Variants in SLC12A2 observed in about 807,000 individuals in gnomAD.
The protein encoded by SLC12A2 is Na-K-2Cl cotransporter 1.
SLC12A2 carries 67 observed loss-of-function variants against 136.3 expected under a neutral mutation model. That is an observed-to-expected ratio of 0.49 (90% CI 0.40 to 0.60). SLC12A2 has a LOEUF of 0.60. SLC12A2 is among the 20% of genes least tolerant of loss of function. The pLI is 0.00. For synonymous variants in SLC12A2, 619 were observed against 562.9 expected (o/e 1.10, Z -1.41); for missense variants, 1,322 against 1,534.7 (o/e 0.86, Z 2.32).
At chr5:128,161,047 A>G (rs1021328683) in intron 16 of SLC12A2, among the ~76,000 whole-genome samples, 1 of 152,182 alleles carries the variant, frequency 6.6e-6, no homozygotes, top group African/African-American at 2.4e-5. Flanking sequence ...ACTTATTTAC[A>G]TTTAGGGTGT....
rs71949635 is a variant in SLC12A2 at position 128,188,289 on chromosome 5, C to CTTTTTTTTTT, written c.*1673_*1682dup. On this transcript the variant is annotated 3_prime_UTR_variant, in exon 27 of 27. Transcript: ENST00000262461. ...AAATTTATGCAGGTTTTCACGAATCCTTTTTTTTTTTTTTTTTTTTTTTTG... is the reference window on the plus strand; with the variant it reads ...AAATTTATGCAGGTTTTCACGAATCCTTTTTTTTTTTTTTTTTTTTTTTTTTTTTTTTTTG... The CTTTTTTTTTT allele has an allele frequency of 1.2e-5, 1 of 85,514 alleles. No individual in the cohort carries two copies. The highest frequency in any genetic ancestry group is 2.2e-5 in the Non-Finnish European group (1 of 46,130). The allele number at this position is 85,514 out of a possible 1,614,324, so 5.3% of individuals were successfully genotyped here.
At chr5:128,109,404 C>G (rs545861963) in intron 1 of SLC12A2, 204 of 331,792 alleles carry the variant, frequency 6.1e-4, no homozygotes, top group African/African-American at 4.2e-3. Context: ...CCGGTGTGCC[C>G]CTGCCGAAGC....
chr5:128,102,071 C>T (rs1198251182), intron 1 of SLC12A2, among the ~76,000 whole-genome samples: 1 of 151,908 alleles, frequency 6.6e-6, no homozygotes, highest in Non-Finnish European at 1.5e-5. Context: ...CAGTTTTCAG[C>T]TCACAGTATG....
chr5:128,159,561 A>G (rs1762968681), intron 16 of SLC12A2, among the ~76,000 whole-genome samples: 1 of 152,228 alleles, frequency 6.6e-6, no homozygotes, highest in Admixed American at 6.5e-5. Context: ...TTTACAAGAA[A>G]AAAACCACCC....
In SLC12A2 at chr5:128,188,904, T is replaced by C. The variant is rs1437161368; in HGVS notation, c.*2273T>C. On this transcript the variant is annotated 3_prime_UTR_variant, in exon 27 of 27. Transcript: ENST00000262461. ...GACTGAGTGCTGCTATCTTGAAATG[T>C]GCACAGGTACACTTACCTTTTTTTT... is the stretch of plus-strand genomic sequence containing the variant. The C allele has an allele frequency of 6.6e-6, 1 of 151,530 alleles. No individual in the cohort carries two copies. Among genetic ancestry groups the C allele is most frequent in the Non-Finnish European group, 1.5e-5 (1 of 67,836 alleles). 9.4% of individuals were successfully genotyped at this position (151,530 alleles called of 1,614,324 possible).
intron 4 of SLC12A2, among the ~76,000 whole-genome samples, chr5:128,120,720 G>T (rs546753856): frequency 1.3e-4 from 20 of 152,032 alleles, no homozygotes; most frequent in African/African-American, 4.8e-4. Context: ...GGGGTGAGGG[G>T]AGGTGGGAGG....
In SLC12A2 at chr5:128,142,105, T is replaced by G. The variant is rs909566882; in HGVS notation, c.1773+124T>G. The G allele has an allele frequency of 1.5e-4, 124 of 843,856 alleles. 1 individual carries two copies. In the African/African-American group the frequency reaches 2.1e-3, roughly 15 times the overall value. The allele number at this position is 843,856 out of a possible 1,614,324, so 52.3% of individuals were successfully genotyped here. A position where few individuals can be genotyped will look rare whatever the true frequency, so the allele number is the denominator to read the frequency against. On this transcript the variant is annotated intron_variant, in intron 10 of 26. Transcript: ENST00000262461. ...GGAGGACAGTTGTTATTTTTTTTAA[T>G]TTTTAATTTTTTCTTGAGATAGAGT... is the stretch of plus-strand genomic sequence containing the variant.
chr5:128,093,837 A>G (rs151127206), intron 1 of SLC12A2, among the ~76,000 whole-genome samples: 161 of 152,208 alleles, frequency 1.1e-3, no homozygotes, highest in Non-Finnish European at 2.0e-3. Flanking sequence ...TCCCATCACT[A>G]TTGTGCCCAA....
chr5:128,189,181 T>TA lies in SLC12A2; in HGVS notation c.*2551dup, dbSNP rs2126766198. On this transcript the variant is annotated 3_prime_UTR_variant, in exon 27 of 27. Coordinates refer to ENST00000262461, the MANE Select transcript of SLC12A2 (RefSeq NM_001046.3). ...TTATAGTACTTATTTCAACAATTCT[T>TA]AGAGATGCTAGCTAGTGTTGAAGCT... The TA allele has an allele frequency of 6.6e-6, 1 of 152,302 alleles. No homozygotes were observed. Among genetic ancestry groups the TA allele is most frequent in the East Asian group, 1.9e-4 (1 of 5,192 alleles). The allele number at this position is 152,302 out of a possible 1,614,324, so 9.4% of individuals were successfully genotyped here. A position where few individuals can be genotyped will look rare whatever the true frequency, so the allele number is the denominator to read the frequency against.
intron 1 of SLC12A2, among the ~76,000 whole-genome samples, chr5:128,099,853 A>C (rs542204404): frequency 6.6e-6 from 1 of 152,136 alleles, no homozygotes; most frequent in Non-Finnish European, 1.5e-5. Flanking sequence ...GTCATTTCCT[A>C]TAATAACAGT....
chr5:128,146,273 T>C (rs1415479358), intron 10 of SLC12A2, among the ~76,000 whole-genome samples: 1 of 151,910 alleles, frequency 6.6e-6, no homozygotes, highest in Non-Finnish European at 1.5e-5. Context: ...TATTTAAATA[T>C]ACATCCTATG....
Position 128,148,837 on chromosome 5 carries a change from C to T in SLC12A2, c.1965C>T (p.Tyr655=). Residue 655 remains tyrosine, a synonymous_variant, in exon 12 of 27, where the codon TAC becomes TAT. Coordinates refer to ENST00000262461, the MANE Select transcript of SLC12A2 (RefSeq NM_001046.3). ...YGKNNEPLRG[Y]ILTFLIALGF... ...AAAATAATGAACCTCTTCGTGGCTA[C>T]ATCTTAACATTCTTAATTGCACTTG... The T allele has an allele frequency of 6.2e-7, 1 of 1,604,732 alleles. No homozygotes were observed. The highest frequency in any genetic ancestry group is 8.5e-7 in the Non-Finnish European group (1 of 1,176,004).
intron 1 of SLC12A2, chr5:128,110,405 C>T (rs1024492929): frequency 1.9e-6 from 2 of 1,037,198 alleles, no homozygotes; most frequent in Non-Finnish European, 3.1e-6. Context: ...CCACAGCTGT[C>T]TTGAGAGGGC....
intron 15 of SLC12A2, among the ~76,000 whole-genome samples, chr5:128,153,520 A>T (rs1322240519): frequency 6.6e-6 from 1 of 152,192 alleles, no homozygotes; most frequent in East Asian, 1.9e-4. Flanking sequence ...ATGCCACTGC[A>T]CTCCAGCCTA....
rs139047347 is a variant in SLC12A2 at position 128,084,374 on chromosome 5, C to T, written c.420C>T (p.Arg140=). The T allele has an allele frequency of 3.7e-5, 60 of 1,605,640 alleles. No individual in the cohort carries two copies. The highest frequency in any genetic ancestry group is 3.5e-4 in the African/African-American group (26 of 74,950). The change falls in exon 1 of 27, where the codon CGC becomes CGT. Residue 140 remains arginine, a synonymous_variant. Coordinates refer to ENST00000262461, the MANE Select transcript of SLC12A2 (RefSeq NM_001046.3). The surrounding 1 kb of genome is among the most constrained non-coding windows in gnomAD (Gnocchi z 5.6). The part of the protein sequence containing the change: ...KGSEEAKGRF[R]VNFVDPAASS... The stretch of plus-strand genomic sequence containing the variant: ...GCGAGGAAGCCAAGGGCCGCTTCCG[C>T]GTGAACTTCGTGGACCCAGCTGCCT...
intron 17 of SLC12A2, among the ~76,000 whole-genome samples, chr5:128,165,926 C>G (rs80029338): frequency 1.4e-5 from 2 of 143,808 alleles, no homozygotes; most frequent in Admixed American, 1.4e-4. Flanking sequence ...CCTCCCCCCC[C>G]CCCCCCCAGT....
At chr5:128,109,363 A>G in intron 1 of SLC12A2, 3 of 306,166 alleles carry the variant, frequency 9.8e-6, no homozygotes, top group South Asian at 3.0e-5. Flanking sequence ...CCTGCATGCC[A>G]GGCAGCACGC....
At chr5:128,109,564 T>C in intron 1 of SLC12A2, 1 of 702,030 alleles carries the variant, frequency 1.4e-6, no homozygotes, top group Non-Finnish European at 2.7e-6. Context: ...GGCAGCTGAG[T>C]CCGGAGAAGA....
intron 1 of SLC12A2, among the ~76,000 whole-genome samples, chr5:128,086,390 C>G (rs1238706646): frequency 6.6e-6 from 1 of 152,110 alleles, no homozygotes; most frequent in Non-Finnish European, 1.5e-5. Context: ...TTGAAGAAAT[C>G]ACCCAACCTC....
Sources: gnomAD v4.1 joint callset for allele counts (sites outside exome capture counted in the v4.1 genomes callset) on GRCh38, gnomAD v4.1.1 for gene constraint, Gnocchi (gnomAD v3.1) non-coding constraint, MANE v1.5 for transcripts, NCBI Gene and HGNC (gene_info 2026-07-23, HGNC 2026-07-21) for gene names.